Variants in RFTN1 observed in about 807,000 individuals in gnomAD.
The protein encoded by RFTN1 is raftlin, lipid raft linker 1.
A neutral mutation model predicts 46.5 loss-of-function variants in RFTN1; 26 were observed. The observed-to-expected ratio is 0.56, with a 90% confidence interval of 0.41 to 0.78. The LOEUF (loss-of-function observed/expected upper bound fraction) is 0.78, where lower values mean the gene tolerates loss of function less well. RFTN1 is among the 30% of genes least tolerant of loss of function. The pLI is 0.00. For missense variants in RFTN1, 693 were observed against 718.7 expected (o/e 0.96, Z 0.41); for synonymous variants, 261 against 284.2 (o/e 0.92, Z 0.82).
At position 16,440,062 on chromosome 3, in the gene RFTN1, G is replaced by C. The variant is rs1264809962; in HGVS notation, c.146-6025C>G. On this transcript the variant is annotated intron_variant, in intron 2 of 9. Transcript: ENST00000334133. The surrounding 1 kb of genome is among the most constrained non-coding windows in gnomAD (Gnocchi z 4.6). ...ATTTCTAATTATAACTTCGTAGTCT[G>C]AAGATAAGGGACACTGGTATGGCTG... Among the ~76,000 whole-genome samples the C allele has an allele frequency of 2.6e-5, 4 of 152,176 alleles. No individual in the cohort carries two copies. Among genetic ancestry groups the C allele is most frequent in the Non-Finnish European group, 5.9e-5 (4 of 68,028 alleles).
In RFTN1 at chr3:16,317,726, G is replaced by A. The variant is rs576665093; in HGVS notation, c.1333-494C>T. On this transcript the variant is annotated intron_variant, in intron 9 of 9. Transcript: ENST00000334133. This position sits in a 1 kb window ranked among gnomAD's most constrained non-coding sequence, Gnocchi z 4.3. ...CATGGGGCAGACACTGTGCTGTACC[G>A]CTCAGATCCCCCCACAGGACTGGCG... 5.3e-5 allele frequency among the ~76,000 whole-genome samples: 8 copies of A among 151,930 alleles called. No individual in the cohort carries two copies. The South Asian group carries it at 1.0e-3, about 20-fold the overall frequency.
At chr3:16,419,605 C>T (rs552424093) in intron 3 of RFTN1, among the ~76,000 whole-genome samples, 4 of 150,862 alleles carry the variant, frequency 2.7e-5, no homozygotes, top group Admixed American at 2.0e-4. Flanking sequence ...TTTTATGAAC[C>T]CTCTTTGCAA....
chr3:16,360,021 A>T (rs2072723726), intron 6 of RFTN1, among the ~76,000 whole-genome samples: 1 of 152,338 alleles, frequency 6.6e-6, no homozygotes, highest in Non-Finnish European at 1.5e-5. Context: ...CAACAACAAT[A>T]ACAAAAATAA....
chr3:16,384,332 A>G lies in RFTN1; in HGVS notation c.442-6230T>C, dbSNP rs1007957139. Among the ~76,000 whole-genome samples, 1 of 152,230 alleles carries G rather than the reference A, an allele frequency of 6.6e-6. No individual in the cohort carries two copies. The highest frequency in any genetic ancestry group is 2.4e-5 in the African/African-American group (1 of 41,462). On this transcript the variant is annotated intron_variant, in intron 4 of 9. Coordinates refer to ENST00000334133, the MANE Select transcript of RFTN1 (RefSeq NM_015150.2). This position sits in a 1 kb window ranked among gnomAD's most constrained non-coding sequence, Gnocchi z 4.7. ...GAGGTAGGGGAAAATAAGATAGCAC[A>G]GGGCAAGTTGATGGAGGTCTCTAAA...
intron 4 of RFTN1, among the ~76,000 whole-genome samples, chr3:16,379,997 C>T (rs1420625054): frequency 1.3e-5 from 2 of 152,174 alleles, no homozygotes; most frequent in African/African-American, 4.8e-5. Flanking sequence ...GACACCTGCA[C>T]TAGCTTCTGC....
chr3:16,486,991 T>C (rs2076458315), intron 2 of RFTN1, among the ~76,000 whole-genome samples: 1 of 151,958 alleles, frequency 6.6e-6, no homozygotes, highest in African/African-American at 2.4e-5. Flanking sequence ...CCGTCTTCCC[T>C]CCCTCCCTCT....
intron 4 of RFTN1, among the ~76,000 whole-genome samples, chr3:16,395,447 AT>A (rs34892913): frequency 0.16 from 24,012 of 148,562 alleles, 2,133 homozygotes; most frequent in South Asian, 0.23. Context: ...AAGGAGCTGA[AT>A]TTTTTTTTTT....
rs1485758537 is a variant in RFTN1 at position 16,374,172 on chromosome 3, TTC to T, written c.826+3544_826+3545del. 6.6e-6 allele frequency among the ~76,000 whole-genome samples: 1 copy of T among 152,160 alleles called. No individual in the cohort carries two copies. Among genetic ancestry groups the T allele is most frequent in the African/African-American group, 2.4e-5 (1 of 41,428 alleles). On this transcript the variant is annotated intron_variant, in intron 5 of 9. Coordinates refer to ENST00000334133, the MANE Select transcript of RFTN1 (RefSeq NM_015150.2). This position sits in a 1 kb window ranked among gnomAD's most constrained non-coding sequence, Gnocchi z 5.4. ...ACTTGATGAGAGGGGGTGGCCCTGG[TTC>T]TGTGCCCAGAAGTGCTAAGTGGATC...
At chr3:16,362,594 G>A (rs2072902418) in intron 6 of RFTN1, among the ~76,000 whole-genome samples, 2 of 152,158 alleles carry the variant, frequency 1.3e-5, no homozygotes, top group Non-Finnish European at 2.9e-5. Context: ...GAGACCAGAA[G>A]ACACTCAATG....
In RFTN1 at chr3:16,387,714, G is replaced by A. The variant is rs951887849; in HGVS notation, c.442-9612C>T. On this transcript the variant is annotated intron_variant, in intron 4 of 9. Coordinates refer to ENST00000334133, the MANE Select transcript of RFTN1 (RefSeq NM_015150.2). This position sits in a 1 kb window ranked among gnomAD's most constrained non-coding sequence, Gnocchi z 5.2. Reference sequence around the variant, plus strand: ...CCAACAATAGAAGTAAGCAAGCCTCGTCCACCCACCCGCCTCACCGACTCC... The same window carrying A: ...CCAACAATAGAAGTAAGCAAGCCTCATCCACCCACCCGCCTCACCGACTCC... 1.3e-4 allele frequency among the ~76,000 whole-genome samples: 19 copies of A among 151,462 alleles called. No individual in the cohort carries two copies. The highest frequency in any genetic ancestry group is 3.9e-4 in the African/African-American group (16 of 41,164).
At chr3:16,491,954 C>CA (rs1255644466) in intron 2 of RFTN1, among the ~76,000 whole-genome samples, 3 of 151,972 alleles carry the variant, frequency 2.0e-5, no homozygotes, top group African/African-American at 7.3e-5. Flanking sequence ...ATTCACTGAA[C>CA]AAAAAAATGG....
Position 16,319,256 on chromosome 3 carries a change from G to T in RFTN1, c.1333-2024C>A, listed in dbSNP as rs377595763. ...AGTATAGTACTCCGAGAGGCAGTTG[G>T]CTCTCAGGGAAGTCAGAGGAAGTTT... On this transcript the variant is annotated intron_variant, in intron 9 of 9. Coordinates refer to ENST00000334133, the MANE Select transcript of RFTN1 (RefSeq NM_015150.2). Among the ~76,000 whole-genome samples, 28 of 152,294 alleles carry T rather than the reference G, an allele frequency of 1.8e-4. 2 individuals carry two copies. Among genetic ancestry groups the T allele is most frequent in the African/African-American group, 3.4e-4 (14 of 41,554 alleles).
rs981956011 is a variant in RFTN1 at position 16,429,375 on chromosome 3, G to A, written c.332+4476C>T. On this transcript the variant is annotated intron_variant, in intron 3 of 9. Coordinates refer to ENST00000334133, the MANE Select transcript of RFTN1 (RefSeq NM_015150.2). This position sits in a 1 kb window ranked among gnomAD's most constrained non-coding sequence, Gnocchi z 6.4. Reference sequence around the variant, plus strand: ...ATACTACTAGAAAACATTTCATTAGGAGATTTAAATAAACTCTTCCTGCCT... The same window carrying A: ...ATACTACTAGAAAACATTTCATTAGAAGATTTAAATAAACTCTTCCTGCCT... Among the ~76,000 whole-genome samples, 9 of 152,172 alleles carry A rather than the reference G, an allele frequency of 5.9e-5. No homozygotes were observed. The highest frequency in any genetic ancestry group is 1.3e-4 in the Non-Finnish European group (9 of 68,042).
At chr3:16,501,541 A>C (rs758092302) in intron 1 of RFTN1, among the ~76,000 whole-genome samples, 1 of 152,218 alleles carries the variant, frequency 6.6e-6, no homozygotes, top group Non-Finnish European at 1.5e-5. Flanking sequence ...CAGCCTGTAA[A>C]GCTAATTTTA....
intron 2 of RFTN1, among the ~76,000 whole-genome samples, chr3:16,462,981 A>C (rs970084012): frequency 6.6e-6 from 1 of 152,234 alleles, no homozygotes. Context: ...TGGTTGAAGG[A>C]TACACAAGGG....
intron 8 of RFTN1, among the ~76,000 whole-genome samples, chr3:16,324,107 T>G (rs992868319): frequency 1.8e-4 from 28 of 151,840 alleles, no homozygotes; most frequent in East Asian, 1.2e-3. Context: ...AGATCACTGT[T>G]TTTTTTTTCC....
chr3:16,368,512 A>G (rs988529787), intron 6 of RFTN1, among the ~76,000 whole-genome samples: 1 of 152,174 alleles, frequency 6.6e-6, no homozygotes, highest in Non-Finnish European at 1.5e-5. Context: ...TCTACTAAAA[A>G]TACAAAAAAA....
intron 4 of RFTN1, among the ~76,000 whole-genome samples, chr3:16,393,135 G>A (rs1430202254): frequency 1.3e-5 from 2 of 152,226 alleles, no homozygotes; most frequent in Non-Finnish European, 2.9e-5. Flanking sequence ...CTTAAGAGGT[G>A]GCAAGAACTT....
At chr3:16,372,970 G>A (rs938356808) in intron 5 of RFTN1, among the ~76,000 whole-genome samples, 12 of 152,194 alleles carry the variant, frequency 7.9e-5, no homozygotes, top group Non-Finnish European at 1.3e-4. Flanking sequence ...CTTGTCTCCA[G>A]TCCTTTCTCT....
Sources: allele counts gnomAD v4.1 joint callset (sites outside exome capture counted in the v4.1 genomes callset), GRCh38; gene constraint gnomAD v4.1.1; non-coding constraint Gnocchi (gnomAD v3.1); transcripts MANE v1.5; gene names NCBI Gene and HGNC (gene_info 2026-07-23, HGNC 2026-07-21).